The following PHKB variants were observed in gnomAD, a reference collection of about 807,000 sequenced individuals.
PHKB encodes the protein phosphorylase kinase regulatory subunit beta.
A neutral mutation model predicts 152.1 loss-of-function variants in PHKB; 122 were observed. The ratio of observed to expected loss-of-function variants is 0.80; its 90% CI spans 0.69 to 0.93. PHKB has a LOEUF of 0.93. Among genes scored for constraint, PHKB ranks in the 40% least tolerant of loss-of-function variants. PHKB has a pLI of 0.00. For synonymous variants in PHKB, 436 were observed against 464.9 expected (o/e 0.94, Z 0.80); for missense variants, 1,304 against 1,328.4 (o/e 0.98, Z 0.29).
intron 24 of PHKB, 124 bp from the exon 25 acceptor site, chr16:47,664,761 T>G: frequency 1.4e-6 from 1 of 718,952 alleles, no homozygotes; most frequent in Non-Finnish European, 2.5e-6. Context: ...TATTACACTT[T>G]ATGCATTTCA....
intron 7 of PHKB, among the ~76,000 whole-genome samples, chr16:47,549,386 T>C (rs1011012143): frequency 1.3e-5 from 2 of 152,192 alleles, no homozygotes; most frequent in African/African-American, 4.8e-5. Context: ...ATAGAAGTTT[T>C]TCTGTTTATA....
In PHKB at chr16:47,516,379, G is replaced by A. The variant is rs1044610200; in HGVS notation, c.594+778G>A. ...AATACCATGTTCTTATTCTTATTAGGAAAATTGTAAAGAATTCATATCCCA... is the reference window on the plus strand; with the variant it reads ...AATACCATGTTCTTATTCTTATTAGAAAAATTGTAAAGAATTCATATCCCA... On this transcript the variant is annotated intron_variant, in intron 6 of 30. Transcript: ENST00000323584. 2.6e-5 allele frequency among the ~76,000 whole-genome samples: 4 copies of A among 152,224 alleles called. No homozygotes were observed. The South Asian group carries it at 8.3e-4, about 32-fold the overall frequency.
intron 14 of PHKB, among the ~76,000 whole-genome samples, chr16:47,614,864 A>G (rs906016240): frequency 5.3e-5 from 8 of 151,828 alleles, no homozygotes; most frequent in African/African-American, 1.9e-4. Context: ...TTCTGTTATC[A>G]TTTTCTTTCT....
At chr16:47,657,980 A>G (rs753034083) in intron 20 of PHKB, among the ~76,000 whole-genome samples, 11 of 152,188 alleles carry the variant, frequency 7.2e-5, no homozygotes, top group Non-Finnish European at 1.3e-4. Flanking sequence ...AATTCCAACT[A>G]ATAAAACAGT....
chr16:47,503,176 G>C (rs1597035963), intron 4 of PHKB, 86 bp downstream of exon 4: 2 of 967,052 alleles, frequency 2.1e-6, no homozygotes, highest in Non-Finnish European at 3.3e-6. Context: ...TTCTGAAGAA[G>C]AATGTACTTT....
chr16:47,533,159 G>A (rs1970891114), intron 6 of PHKB, among the ~76,000 whole-genome samples: 2 of 152,142 alleles, frequency 1.3e-5, no homozygotes, highest in Admixed American at 6.5e-5. Context: ...GCAGTTTTTA[G>A]CAGAGAGGAA....
At chr16:47,623,838 G>A (rs1364054665) in intron 14 of PHKB, among the ~76,000 whole-genome samples, 2 of 152,084 alleles carry the variant, frequency 1.3e-5, no homozygotes, top group African/African-American at 4.8e-5. Context: ...GATTACAGGC[G>A]TGAGCCACCT....
intron 1 of PHKB, among the ~76,000 whole-genome samples, chr16:47,480,247 T>C (rs1969941085): frequency 6.6e-6 from 1 of 152,200 alleles, no homozygotes; most frequent in South Asian, 2.1e-4. Context: ...GAAGTTAAGC[T>C]GATTTCCGCC....
At chr16:47,619,570 G>A (rs960502982) in intron 14 of PHKB, 2 of 152,080 alleles carry the variant, frequency 1.3e-5, no homozygotes, top group African/African-American at 2.4e-5. Context: ...AAAGGAAAAC[G>A]CTTTCAGGAG....
In PHKB at chr16:47,536,638, G is replaced by A. The variant is rs79738213; in HGVS notation, c.595-10795G>A. On this transcript the variant is annotated intron_variant, in intron 6 of 30. Transcript: ENST00000323584. ...GAATCTGCACATTAATATTTTTGCA[G>A]TAAGATGTATACATATTCACACAAA... Among the ~76,000 whole-genome samples the A allele has an allele frequency of 4.6e-3, 699 of 152,324 alleles. 4 individuals are homozygous for A. The highest frequency in any genetic ancestry group is 0.016 in the African/African-American group (675 of 41,574).
intron 14 of PHKB, among the ~76,000 whole-genome samples, chr16:47,615,538 T>G (rs1409607081): frequency 1.3e-5 from 2 of 152,206 alleles, no homozygotes; most frequent in African/African-American, 4.8e-5. Context: ...TATCCTCTGG[T>G]GAGAGAAAAC....
intron 26 of PHKB, among the ~76,000 whole-genome samples, chr16:47,674,658 C>T (rs1457285641): frequency 6.6e-6 from 1 of 152,162 alleles, no homozygotes; most frequent in Non-Finnish European, 1.5e-5. Context: ...TCAGTATTTG[C>T]AGAGGAAATA....
chr16:47,556,753 G>A (rs1216095999), intron 7 of PHKB, among the ~76,000 whole-genome samples: 1 of 152,134 alleles, frequency 6.6e-6, no homozygotes, highest in African/African-American at 2.4e-5. Flanking sequence ...GTCTCTGCCA[G>A]GCTTTGGTAT....
intron 1 of PHKB, among the ~76,000 whole-genome samples, chr16:47,484,002 T>C (rs1428203150): frequency 4.6e-5 from 7 of 152,166 alleles, no homozygotes; most frequent in Non-Finnish European, 8.8e-5. Context: ...TCCAAAACTT[T>C]ATAGAAAGAT....
At chr16:47,589,816 G>T (rs964822651) in intron 10 of PHKB, among the ~76,000 whole-genome samples, 3 of 152,160 alleles carry the variant, frequency 2.0e-5, no homozygotes, top group African/African-American at 7.2e-5. Context: ...ATGGAGTCTT[G>T]CTCTGTTGCC....
chr16:47,581,805 G>A (rs1465386083), intron 8 of PHKB, among the ~76,000 whole-genome samples: 1 of 152,044 alleles, frequency 6.6e-6, no homozygotes, highest in African/African-American at 2.4e-5. Context: ...TCGGACCCCC[G>A]AGTAGCTGGG....
intron 29 of PHKB, 48 bp from the exon 30 acceptor site, chr16:47,698,400 T>G (rs1042339417): frequency 7.1e-7 from 1 of 1,412,474 alleles, no homozygotes. Flanking sequence ...TGAAAACATG[T>G]CACTATTATG....
chr16:47,681,647 T>G (rs1168810556), intron 26 of PHKB, among the ~76,000 whole-genome samples: 1 of 152,162 alleles, frequency 6.6e-6, no homozygotes, highest in African/African-American at 2.4e-5. Context: ...ATCCCTTTAT[T>G]TTGAGCCTAT....
intron 7 of PHKB, among the ~76,000 whole-genome samples, chr16:47,557,057 A>T (rs1160820564): frequency 1.3e-5 from 2 of 152,242 alleles, no homozygotes; most frequent in African/African-American, 4.8e-5. Flanking sequence ...GGAACAGAAC[A>T]GAGCCCTCAG....
Sources: allele counts gnomAD v4.1 joint callset (sites outside exome capture counted in the v4.1 genomes callset), GRCh38; gene constraint gnomAD v4.1.1; transcripts MANE v1.5; gene names NCBI Gene and HGNC (gene_info 2026-07-23, HGNC 2026-07-21).